SDK1: variants seen among roughly 807,000 people sequenced by gnomAD.
The protein encoded by SDK1 is sidekick cell adhesion molecule 1.
Under a neutral mutation model 245.5 loss-of-function variants are expected in SDK1, and 157 were observed. The ratio of observed to expected loss-of-function variants is 0.64; its 90% CI spans 0.56 to 0.73. The LOEUF (loss-of-function observed/expected upper bound fraction) is 0.73, where lower values mean the gene tolerates loss of function less well. SDK1 is among the 30% of genes least tolerant of loss of function. SDK1 has a pLI of 0.00. For synonymous variants in SDK1, 1,647 were observed against 1,278.5 expected (o/e 1.29, Z -6.15); for missense variants, 3,583 against 3,002.3 (o/e 1.19, Z -4.52).
intron 1 of SDK1, among the ~76,000 whole-genome samples, chr7:3,546,053 C>T (rs1259863368): frequency 1.3e-5 from 2 of 152,164 alleles, no homozygotes; most frequent in Non-Finnish European, 2.9e-5. Flanking sequence ...AGTGATATAA[C>T]TTTTAATCGT....
At chr7:4,063,274 A>G (rs1024844204) in intron 19 of SDK1, among the ~76,000 whole-genome samples, 1 of 152,224 alleles carries the variant, frequency 6.6e-6, no homozygotes, top group Non-Finnish European at 1.5e-5. Context: ...ATAGCAACAC[A>G]CAAAAATCAG....
intron 40 of SDK1, among the ~76,000 whole-genome samples, chr7:4,222,134 C>T (rs1214694440): frequency 6.6e-6 from 1 of 152,142 alleles, no homozygotes; most frequent in Non-Finnish European, 1.5e-5. Context: ...CTGGCAGGAC[C>T]ACGGTGCTAG....
At chr7:3,365,182 T>G (rs1452764483) in intron 1 of SDK1, among the ~76,000 whole-genome samples, 1 of 152,182 alleles carries the variant, frequency 6.6e-6, no homozygotes, top group Non-Finnish European at 1.5e-5. Flanking sequence ...AACAAAAAAG[T>G]AAATTGGAGT....
chr7:3,676,407 G>A (rs184157047), intron 4 of SDK1, among the ~76,000 whole-genome samples: 2 of 147,944 alleles, frequency 1.4e-5, no homozygotes, highest in Admixed American at 1.4e-4. Flanking sequence ...CTCAGTGCAA[G>A]CTCCACCTCC....
chr7:3,972,460 G>C (rs1469922216), intron 12 of SDK1, among the ~76,000 whole-genome samples: 1 of 152,194 alleles, frequency 6.6e-6, no homozygotes, highest in East Asian at 1.9e-4. Flanking sequence ...TGAGACTCCA[G>C]GTGAAGTTGT....
intron 1 of SDK1, among the ~76,000 whole-genome samples, chr7:3,546,640 G>A (rs1257305355): frequency 6.6e-6 from 1 of 151,900 alleles, no homozygotes; most frequent in African/African-American, 2.4e-5. Context: ...AAGACACGCT[G>A]TGGTGGGCTG....
chr7:3,658,905 A>G (rs1221796018), intron 4 of SDK1, among the ~76,000 whole-genome samples: 1 of 152,164 alleles, frequency 6.6e-6, no homozygotes, highest in East Asian at 1.9e-4. Flanking sequence ...GGTGTGAGCC[A>G]CCATGCCTGG....
At chr7:4,200,355 G>A (rs552913710) in intron 35 of SDK1, among the ~76,000 whole-genome samples, 2 of 152,250 alleles carry the variant, frequency 1.3e-5, no homozygotes, top group Non-Finnish European at 2.9e-5. Flanking sequence ...CAGCTGGGAT[G>A]TATCAGTCAG....
chr7:3,428,384 G>A (rs565842320), intron 1 of SDK1, among the ~76,000 whole-genome samples: 1 of 152,324 alleles, frequency 6.6e-6, no homozygotes, highest in South Asian at 2.1e-4. Flanking sequence ...AGCAAGGACT[G>A]CGAGTATGTT....
chr7:4,034,070 T>C (rs922463154), intron 17 of SDK1, among the ~76,000 whole-genome samples: 2 of 152,170 alleles, frequency 1.3e-5, no homozygotes, highest in African/African-American at 4.8e-5. Flanking sequence ...TAGGATGCGA[T>C]GAAAAGAACA....
intron 28 of SDK1, among the ~76,000 whole-genome samples, chr7:4,139,689 GTA>G (rs1779422303): frequency 4.1e-5 from 4 of 96,788 alleles, no homozygotes; most frequent in South Asian, 6.1e-4. Context: ...GTGTGTGTGT[GTA>G]TGTGTGTGTG....
chr7:3,956,848 C>T (rs967544265), intron 7 of SDK1, among the ~76,000 whole-genome samples: 1 of 152,172 alleles, frequency 6.6e-6, no homozygotes, highest in African/African-American at 2.4e-5. Flanking sequence ...GCCAAGCCAG[C>T]TTCGGGTCAC....
intron 1 of SDK1, among the ~76,000 whole-genome samples, chr7:3,432,160 T>A (rs745680156): frequency 4.0e-5 from 6 of 148,354 alleles, no homozygotes; most frequent in Non-Finnish European, 5.9e-5. Flanking sequence ...AAAATATATA[T>A]TTTTATATAT....
At chr7:3,680,615 A>G (rs764401811) in intron 4 of SDK1, among the ~76,000 whole-genome samples, 9 of 152,202 alleles carry the variant, frequency 5.9e-5, no homozygotes, top group Non-Finnish European at 1.2e-4. Flanking sequence ...CAATTTTGGT[A>G]TCTTCTTATG....
rs778483407 is a variant in SDK1, at chr7:4,208,328, A to G, written c.5401+43A>G. On this transcript the variant is annotated intron_variant, in intron 37 of 44. Transcript: ENST00000404826. ...TTCCTTTGGGCAGGCCTCCTTGGAC[A>G]CGTGTTTTGAGAGCGCCAGCTCAGG... 3.2e-6 allele frequency: 5 copies of G among 1,578,302 alleles called. No homozygotes were observed. In the African/African-American group the frequency reaches 4.1e-5, roughly 13 times the overall value.
chr7:4,140,189 C>A (rs1456213487), intron 28 of SDK1, among the ~76,000 whole-genome samples: 1 of 152,224 alleles, frequency 6.6e-6, no homozygotes, highest in Non-Finnish European at 1.5e-5. Flanking sequence ...CAGCCTGCAC[C>A]TCACAGGCTG....
intron 1 of SDK1, among the ~76,000 whole-genome samples, chr7:3,365,525 T>C (rs989522045): frequency 6.6e-6 from 1 of 152,232 alleles, no homozygotes; most frequent in Admixed American, 6.5e-5. Flanking sequence ...TTCTATTCAT[T>C]TTCTCTTACA....
intron 4 of SDK1, among the ~76,000 whole-genome samples, chr7:3,644,551 A>G (rs2614958): frequency 0.024 from 3,692 of 151,504 alleles, 64 homozygotes; most frequent in Non-Finnish European, 0.04. Flanking sequence ...GTTTAAAGCA[A>G]TCTGGAGTTT....
chr7:3,398,933 G>C (rs1294653200), intron 1 of SDK1, among the ~76,000 whole-genome samples: 1 of 151,940 alleles, frequency 6.6e-6, no homozygotes, highest in African/African-American at 2.4e-5. Context: ...TGAGACCTCA[G>C]TTCTCTGGTG....
Sources: allele counts gnomAD v4.1 joint callset (sites outside exome capture counted in the v4.1 genomes callset), GRCh38; gene constraint gnomAD v4.1.1; transcripts MANE v1.5; gene names NCBI Gene and HGNC (gene_info 2026-07-23, HGNC 2026-07-21).